DNAH6: variants seen among roughly 807,000 people sequenced by gnomAD.
DNAH6 encodes the protein axonemal beta dynein heavy chain 6.
DNAH6 carries 340 observed loss-of-function variants against 491.4 expected under a neutral mutation model. The observed-to-expected ratio is 0.69, with a 90% CI of 0.63 to 0.76. The LOEUF (loss-of-function observed/expected upper bound fraction) is 0.76, where lower values mean the gene tolerates loss of function less well. Ranked by LOEUF, DNAH6 falls within the 30% of genes least tolerant of loss-of-function variation. The pLI is 0.00. For synonymous variants in DNAH6, 1,603 were observed against 1,686.1 expected, an observed-to-expected ratio of 0.95 and a Z score of 1.21; for missense variants, 4,443 against 4,972.2, an observed-to-expected ratio of 0.89 and a Z score of 3.20.
intron 32 of DNAH6, 48 bp downstream of exon 32, chr2:84,640,626 A>G: frequency 6.7e-7 from 1 of 1,498,398 alleles, no homozygotes; most frequent in Non-Finnish European, 9.0e-7. Flanking sequence ...CATGTGATCA[A>G]ATGCATTAAA....
chr2:84,815,829 A>C (rs1680432734), intron 75 of DNAH6, 32 bp from the exon 76 acceptor site: 1 of 1,503,840 alleles, frequency 6.6e-7, no homozygotes, highest in South Asian at 1.2e-5. Flanking sequence ...CTTTTCCCCC[A>C]TCTCACTTTG....
chr2:84,765,685 T>C (rs1252463992), intron 64 of DNAH6, among the ~76,000 whole-genome samples: 1 of 152,030 alleles, frequency 6.6e-6, no homozygotes, highest in African/African-American at 2.4e-5. Context: ...AAATGAAGTA[T>C]AGTAAACCAA....
chr2:84,760,420 G>T (rs1007466842), intron 63 of DNAH6, among the ~76,000 whole-genome samples: 6 of 152,048 alleles, frequency 3.9e-5, no homozygotes, highest in African/African-American at 7.2e-5. Flanking sequence ...TCTGACAGGG[G>T]ACTAATATCC....
At chr2:84,462,874 T>A in the DNAH6 span, among the ~76,000 whole-genome samples, 1 of 152,180 alleles carries the variant, frequency 6.6e-6, no homozygotes, top group South Asian at 2.1e-4. Context: ...TATCAAGATG[T>A]GTTAATATTC....
intron 62 of DNAH6, among the ~76,000 whole-genome samples, chr2:84,739,729 T>A (rs1408026036): frequency 1.3e-5 from 2 of 152,328 alleles, no homozygotes; most frequent in East Asian, 3.9e-4. Context: ...AGCTATGTTG[T>A]CTTTCATATC....
chr2:84,704,999 T>C (rs1696292937), intron 51 of DNAH6, among the ~76,000 whole-genome samples: 1 of 152,150 alleles, frequency 6.6e-6, no homozygotes, highest in Non-Finnish European at 1.5e-5. Flanking sequence ...TAGAGAGCTG[T>C]GGGCAGAAGG....
chr2:84,666,304 G>A (rs1305220430), intron 37 of DNAH6, among the ~76,000 whole-genome samples: 1 of 152,168 alleles, frequency 6.6e-6, no homozygotes, highest in Non-Finnish European at 1.5e-5. Context: ...AAAAGAGGAA[G>A]TCAAATTGTC....
intron 42 of DNAH6, among the ~76,000 whole-genome samples, chr2:84,683,715 G>A (rs1043900983): frequency 1.3e-5 from 2 of 152,008 alleles, no homozygotes; most frequent in Non-Finnish European, 2.9e-5. Flanking sequence ...GAGCCACTGC[G>A]CCCGGCCAAT....
chr2:84,641,847 G>T (rs974855862), intron 32 of DNAH6, 100 bp from the exon 33 acceptor site: 79 of 874,654 alleles, frequency 9.0e-5, no homozygotes, highest in Non-Finnish European at 1.3e-4. Flanking sequence ...CTTCTAACAG[G>T]AATCCTCAGG....
chr2:84,641,401 C>A (rs145940925), intron 32 of DNAH6, among the ~76,000 whole-genome samples: 116 of 152,242 alleles, frequency 7.6e-4, no homozygotes, highest in African/African-American at 2.7e-3. Flanking sequence ...ATACTAAGAA[C>A]TTGAGATACA....
At chr2:84,800,899 T>C (rs979240261) in intron 70 of DNAH6, among the ~76,000 whole-genome samples, 4 of 151,964 alleles carry the variant, frequency 2.6e-5, no homozygotes, top group South Asian at 4.2e-4. Flanking sequence ...ATATTCACCA[T>C]GGAATACTAT....
At chr2:84,553,344 CCTTT>C (rs1416449873) in intron 10 of DNAH6, among the ~76,000 whole-genome samples, 4 of 28,362 alleles carry the variant, frequency 1.4e-4, no homozygotes, top group African/African-American at 3.0e-4. Flanking sequence ...AATACCTTTT[CCTTT>C]CTTTTCTTTT....
At position 84,559,932 on chromosome 2, in the gene DNAH6, TG is replaced by T. The variant is rs371458315; in HGVS notation, c.1803+2000del. On this transcript the variant is annotated intron_variant, in intron 11 of 76. Transcript: ENST00000389394. ...GTTTAACACTACTATAGAAGAATGA[TG>T]GGAAAAAGTAATGAGTATAGAAGAA... Among the ~76,000 whole-genome samples the T allele has an allele frequency of 8.4e-4, 128 of 151,944 alleles. 2 individuals are homozygous for T. Among genetic ancestry groups the T allele is most frequent in the African/African-American group, 2.9e-3 (122 of 41,458 alleles).
At chr2:84,548,767 GTGAGC>G (rs1384533227) in intron 8 of DNAH6, among the ~76,000 whole-genome samples, 1 of 152,206 alleles carries the variant, frequency 6.6e-6, no homozygotes, top group Non-Finnish European at 1.5e-5. Flanking sequence ...CTCTGGGACT[GTGAGC>G]TGGTAGAGAC....
chr2:84,670,195 G>A (rs1692593362), intron 38 of DNAH6, 133 bp from the exon 39 acceptor site: 1 of 615,522 alleles, frequency 1.6e-6, no homozygotes, highest in East Asian at 3.0e-5. Context: ...TCCAGTAAGA[G>A]AAAGCAGACA....
chr2:84,702,361 C>T (rs1040568374), intron 49 of DNAH6, among the ~76,000 whole-genome samples: 1 of 152,184 alleles, frequency 6.6e-6, no homozygotes, highest in African/African-American at 2.4e-5. Flanking sequence ...ATAGAAGCTG[C>T]TGTCATCATC....
At chr2:84,630,106 G>A (rs935280611) in intron 29 of DNAH6, among the ~76,000 whole-genome samples, 2 of 152,142 alleles carry the variant, frequency 1.3e-5, no homozygotes, top group African/African-American at 4.8e-5. Flanking sequence ...TGCCTTTTCT[G>A]TGGACTGTTT....
Position 84,530,485 on chromosome 2 carries a change from T to A in DNAH6, c.662+1319T>A, listed in dbSNP as rs568425057. 7.9e-5 allele frequency among the ~76,000 whole-genome samples: 12 copies of A among 152,194 alleles called. No individual in the cohort carries two copies. In the South Asian group the frequency reaches 2.5e-3, roughly 32 times the overall value. The stretch of plus-strand genomic sequence containing the variant: ...AAAGAGGAGGCTGGTGTGACTACAG[T>A]AGAGTGAACAAGAGATAAAGGATAT... On this transcript the variant is annotated intron_variant, in intron 4 of 76. Coordinates refer to ENST00000389394, the MANE Select transcript of DNAH6 (RefSeq NM_001370.2).
chr2:84,753,273 A>G (rs1017701495), intron 63 of DNAH6, among the ~76,000 whole-genome samples: 2 of 152,084 alleles, frequency 1.3e-5, no homozygotes, highest in Non-Finnish European at 2.9e-5. Flanking sequence ...TATCCTAGCT[A>G]CAAGTTTCTT....
Sources: gnomAD v4.1 joint callset for allele counts (sites outside exome capture counted in the v4.1 genomes callset) on GRCh38, gnomAD v4.1.1 for gene constraint, MANE v1.5 for transcripts, NCBI Gene and HGNC (gene_info 2026-07-23, HGNC 2026-07-21) for gene names.